The following NGF variants were observed in gnomAD, a reference collection of about 807,000 sequenced individuals.
The protein encoded by NGF is beta-nerve growth factor.
NGF carries 4 observed loss-of-function variants against 12.8 expected under a neutral mutation model. The observed-to-expected ratio is 0.31, with a 90% CI of 0.15 to 0.72. NGF has a LOEUF of 0.72. NGF is among the 30% of genes least tolerant of loss of function. NGF has a pLI of 0.69. For missense variants in NGF, 283 were observed against 330.8 expected, an observed-to-expected ratio of 0.86 and a Z score of 1.12; for synonymous variants, 140 against 130.0, an observed-to-expected ratio of 1.08 and a Z score of -0.52.
intron 2 of NGF, among the ~76,000 whole-genome samples, chr1:115,287,175 G>C (rs927103151): frequency 6.6e-6 from 1 of 152,194 alleles, no homozygotes; most frequent in East Asian, 1.9e-4. Context: ...GTGTACCAGG[G>C]AGGCCGGTGG....
In NGF at chr1:115,299,174, C is replaced by T. The variant is rs536211660; in HGVS notation, c.-136-5424G>A. Among the ~76,000 whole-genome samples the T allele has an allele frequency of 3.7e-4, 57 of 152,188 alleles. 1 individual carries two copies. In the South Asian group the frequency reaches 0.011, roughly 28 times the overall value. On this transcript the variant is annotated intron_variant, in intron 1 of 2. Coordinates refer to ENST00000369512, the MANE Select transcript of NGF (RefSeq NM_002506.3). ...AAAATAATACATCTGGTACCAAGGA[C>T]TTAGGAAGACGTTAAGGTTCAGTGA...
chr1:115,337,746 C>T (rs1301259492), intron 1 of NGF, among the ~76,000 whole-genome samples: 1 of 152,166 alleles, frequency 6.6e-6, no homozygotes, highest in Non-Finnish European at 1.5e-5. Context: ...ACTCGGCGCT[C>T]ACCTCAGCCA....
intron 1 of NGF, among the ~76,000 whole-genome samples, chr1:115,310,862 T>C (rs1210537310): frequency 8.7e-6 from 1 of 115,002 alleles, no homozygotes; most frequent in East Asian, 2.9e-4. Flanking sequence ...GCAAGGGGTG[T>C]GGGGTGTGGG....
chr1:115,291,525 A>G (rs1653696094), intron 2 of NGF, among the ~76,000 whole-genome samples: 1 of 152,194 alleles, frequency 6.6e-6, no homozygotes, highest in African/African-American at 2.4e-5. Context: ...TCTATTTAAT[A>G]TGAGAATGCT....
intron 1 of NGF, among the ~76,000 whole-genome samples, chr1:115,313,062 A>T (rs1274635124): frequency 6.6e-6 from 1 of 152,240 alleles, no homozygotes; most frequent in Non-Finnish European, 1.5e-5. Context: ...ATGCTTTGAA[A>T]ATTGGTATAA....
chr1:115,329,318 A>G (rs1223048442), intron 1 of NGF, among the ~76,000 whole-genome samples: 1 of 152,208 alleles, frequency 6.6e-6, no homozygotes, highest in African/African-American at 2.4e-5. Flanking sequence ...CACAACAGCT[A>G]TACAAGAGAG....
intron 2 of NGF, among the ~76,000 whole-genome samples, chr1:115,292,412 C>T (rs940186997): frequency 2.2e-4 from 33 of 152,164 alleles, no homozygotes; most frequent in Admixed American, 1.2e-3. Flanking sequence ...CCAGAATGCT[C>T]GATTCTGTAG....
intron 1 of NGF, among the ~76,000 whole-genome samples, chr1:115,297,764 G>T (rs572610041): frequency 6.6e-6 from 1 of 152,268 alleles, no homozygotes; most frequent in East Asian, 1.9e-4. Context: ...TACTGTCCCT[G>T]AATCCTCTGT....
intron 1 of NGF, among the ~76,000 whole-genome samples, chr1:115,303,483 CACT>C (rs1654102101): frequency 6.6e-6 from 1 of 151,808 alleles, no homozygotes; most frequent in Admixed American, 6.6e-5. Context: ...CCATCATCAC[CACT>C]ACTTTCTCCA....
intron 1 of NGF, among the ~76,000 whole-genome samples, chr1:115,334,627 C>T (rs2101059111): frequency 6.6e-6 from 1 of 152,210 alleles, no homozygotes; most frequent in Non-Finnish European, 1.5e-5. Flanking sequence ...CCACAGAAAC[C>T]CCAACAATAG....
At chr1:115,331,368 C>T (rs1348400381) in intron 1 of NGF, among the ~76,000 whole-genome samples, 7 of 152,206 alleles carry the variant, frequency 4.6e-5, no homozygotes, top group Non-Finnish European at 1.0e-4. Context: ...GGGACAGCCC[C>T]TCACTGCCCT....
intron 2 of NGF, among the ~76,000 whole-genome samples, chr1:115,287,744 A>C (rs1401684334): frequency 2.6e-5 from 4 of 151,772 alleles, no homozygotes; most frequent in Admixed American, 2.6e-4. Flanking sequence ...ACTCTTAAGC[A>C]TGTCTTTTCT....
Position 115,304,310 on chromosome 1 carries a change from G to T in NGF, c.-136-10560C>A, listed in dbSNP as rs748391249. 1.7e-3 allele frequency among the ~76,000 whole-genome samples: 233 copies of T among 133,934 alleles called. 4 individuals carry two copies. The highest frequency in any genetic ancestry group is 8.5e-3 in the Admixed American group (105 of 12,348). The allele number at this position is 133,934 out of a possible 152,430, so 87.9% of individuals were successfully genotyped here. A position where few individuals can be genotyped will look rare whatever the true frequency, so the allele number is the denominator to read the frequency against. The stretch of plus-strand genomic sequence containing the variant: ...CCTGAGTAGCTGGGATTACAGGAGC[G>T]CACCACCATGCTTGGCTAATTTTTT... On this transcript the variant is annotated intron_variant, in intron 1 of 2. Transcript: ENST00000369512.
intron 1 of NGF, among the ~76,000 whole-genome samples, chr1:115,300,315 C>A (rs1205077091): frequency 1.3e-5 from 2 of 152,150 alleles, no homozygotes; most frequent in Non-Finnish European, 2.9e-5. Context: ...AAAAGGCAGG[C>A]AGTCCATCCT....
At chr1:115,292,009 C>T (rs1326116538) in intron 2 of NGF, among the ~76,000 whole-genome samples, 1 of 152,122 alleles carries the variant, frequency 6.6e-6, no homozygotes, top group Non-Finnish European at 1.5e-5. Flanking sequence ...GGAAATCCAG[C>T]CTCCTCCTCC....
chr1:115,305,715 C>G (rs1374816236), intron 1 of NGF, among the ~76,000 whole-genome samples: 1 of 152,292 alleles, frequency 6.6e-6, no homozygotes, highest in East Asian at 1.9e-4. Context: ...ACCCACTAAT[C>G]TGATAGAAAT....
In NGF at chr1:115,321,576, ATGTGTGTGTGTGTGTGTGTGTGTG is replaced by A. The variant is rs59590858; in HGVS notation, c.-137+16604_-137+16627del. On this transcript the variant is annotated intron_variant, in intron 1 of 2. Coordinates refer to ENST00000369512, the MANE Select transcript of NGF (RefSeq NM_002506.3). ...CACTTTTGCATGATGTGTGTATGGG[ATGTGTGTGTGTGTGTGTGTGTGTG>A]TGTGTGTGTGTGTGTGTGTGTGTGT... 9.8e-3 allele frequency among the ~76,000 whole-genome samples: 1,304 copies of A among 133,274 alleles called. 26 individuals carry two copies. The highest frequency in any genetic ancestry group is 0.033 in the African/African-American group (1,231 of 37,296). The allele number at this position is 133,274 out of a possible 152,430, so 87.4% of individuals were successfully genotyped here.
chr1:115,286,927 G>A, intron 2 of NGF, 120 bp from the exon 3 acceptor site: 3 of 1,253,516 alleles, frequency 2.4e-6, no homozygotes, highest in Non-Finnish European at 3.5e-6. Flanking sequence ...ATTCAAACCG[G>A]GGCACTTCTG....
chr1:115,286,641 C>A lies in NGF; in HGVS notation c.155G>T (p.Arg52Leu), dbSNP rs149054069. ...AGCTATCGCCGCTGCCGGGGCGCTG[C>A]GGGCTCTGCGAAGGGCAGTGTCAAG... ...HSLDTALRRARSAPAAAIAAR... is the reference protein window; with the variant it reads ...HSLDTALRRALSAPAAAIAAR... The change falls in exon 3 of 3, where the codon CGC becomes CTC. Residue 52 changes from arginine to leucine, a missense_variant. Arg to Leu is a moderately radical substitution (Grantham distance 102, BLOSUM62 -2). Around this residue, in one of 2 missense-constraint regions of NGF, gnomAD observed 151 missense variants for 141.6 expected, o/e 1.07. Transcript: ENST00000369512. 3.1e-6 allele frequency: 5 copies of A among 1,614,214 alleles called. No individual in the cohort carries two copies. In the East Asian group the frequency reaches 1.1e-4, roughly 36 times the overall value.
Sources: allele counts gnomAD v4.1 joint callset (sites outside exome capture counted in the v4.1 genomes callset), GRCh38; gene constraint gnomAD v4.1.1; regional missense constraint gnomAD v4.1.1; transcripts MANE v1.5; gene names NCBI Gene and HGNC (gene_info 2026-07-23, HGNC 2026-07-21).